ZNF365: variants seen among roughly 807,000 people sequenced by gnomAD.
ZNF365 encodes the protein zinc finger protein 365.
In ZNF365, 22 loss-of-function variants were observed where a neutral mutation model predicts 35.0. The observed-to-expected ratio is 0.63, with a 90% confidence interval of 0.45 to 0.90. ZNF365 has a LOEUF of 0.90. Ranked by LOEUF, ZNF365 falls within the 40% of genes least tolerant of loss-of-function variation. The pLI, the probability that ZNF365 is intolerant of heterozygous loss-of-function variation, is 0.00. For synonymous variants in ZNF365, 188 were observed against 196.2 expected (o/e 0.96, Z 0.35); for missense variants, 448 against 500.3 (o/e 0.90, Z 1.00).
intron 3 of ZNF365, among the ~76,000 whole-genome samples, chr10:62,439,997 C>A (rs191283176): frequency 2.3e-3 from 344 of 152,218 alleles, no homozygotes; most frequent in African/African-American, 7.8e-3. Context: ...CACTTTCTCC[C>A]GCACAAAATG....
At chr10:62,468,091 A>G (rs993097003) in intron 4 of ZNF365, among the ~76,000 whole-genome samples, 1 of 152,214 alleles carries the variant, frequency 6.6e-6, no homozygotes, top group Non-Finnish European at 1.5e-5. Flanking sequence ...TACCTTTATG[A>G]GTCGCTTTAA....
downstream of ZNF365, among the ~76,000 whole-genome samples, chr10:62,404,543 C>A (rs1159026208): frequency 6.6e-6 from 1 of 152,058 alleles, no homozygotes; most frequent in Non-Finnish European, 1.5e-5. Context: ...TTTTTAGAAC[C>A]ATGAAATCAG....
In ZNF365 at chr10:62,388,600, C is replaced by A. The variant is rs758257255; in HGVS notation, c.924+24C>A. The A allele has an allele frequency of 1.2e-5, 19 of 1,611,902 alleles. No individual in the cohort carries two copies. The Admixed American group carries it at 2.5e-4, about 21-fold the overall frequency. On this transcript the variant is annotated intron_variant, in intron 3 of 4. Transcript: ENST00000395254. ...TGGTGAGTCACCCCGGGCCAGCCAC[C>A]GAGTGTAAGATCCCTGTGGTTGGTG...
chr10:62,429,717 G>A (rs970691230), intron 3 of ZNF365, among the ~76,000 whole-genome samples: 1 of 152,134 alleles, frequency 6.6e-6, no homozygotes, highest in Admixed American at 6.6e-5. Context: ...TTAATAAGGG[G>A]AGAAATTAGC....
At chr10:62,473,392 C>A (rs1253961306) in intron 4 of ZNF365, among the ~76,000 whole-genome samples, 2 of 152,152 alleles carry the variant, frequency 1.3e-5, no homozygotes, top group African/African-American at 4.8e-5. Context: ...CTTTGCTGTT[C>A]TTATAGTTCC....
chr10:62,440,151 A>G (rs1490305793), intron 3 of ZNF365, among the ~76,000 whole-genome samples: 2 of 151,868 alleles, frequency 1.3e-5, no homozygotes, highest in Non-Finnish European at 2.9e-5. Context: ...GCTAATAATT[A>G]TAAGCTTTAT....
At chr10:62,471,202 T>TA (rs1300040725) in intron 4 of ZNF365, among the ~76,000 whole-genome samples, 4 of 151,798 alleles carry the variant, frequency 2.6e-5, no homozygotes, top group African/African-American at 2.4e-5. Context: ...CTGTCTCTAC[T>TA]AAAAATACAA....
At chr10:62,395,504 A>ATTT (rs67866839) in intron 3 of ZNF365, among the ~76,000 whole-genome samples, 11 of 98,460 alleles carry the variant, frequency 1.1e-4, no homozygotes, top group East Asian at 3.2e-4. Flanking sequence ...CACCCGGCTA[A>ATTT]TTTTTTTTTT....
At chr10:62,477,527 T>G (rs149219854) in intron 4 of ZNF365, among the ~76,000 whole-genome samples, 6 of 152,288 alleles carry the variant, frequency 3.9e-5, no homozygotes, top group Non-Finnish European at 7.4e-5. Flanking sequence ...TTACTTGGCA[T>G]TATGGTGAAT....
At chr10:62,427,208 T>G (rs1458104800) in intron 3 of ZNF365, among the ~76,000 whole-genome samples, 2 of 152,230 alleles carry the variant, frequency 1.3e-5, no homozygotes, top group African/African-American at 4.8e-5. Flanking sequence ...TACAGTCACA[T>G]GACACATGAT....
intron 3 of ZNF365, among the ~76,000 whole-genome samples, chr10:62,430,252 GGTT>G (rs536054327): frequency 2.1e-5 from 2 of 97,158 alleles, no homozygotes; most frequent in Non-Finnish European, 3.9e-5. Context: ...TTTTGGAAAA[GGTT>G]TTTTTTTTTT....
At chr10:62,409,560 G>C (rs1839955437) in intron 3 of ZNF365, among the ~76,000 whole-genome samples, 1 of 152,034 alleles carries the variant, frequency 6.6e-6, no homozygotes, top group Non-Finnish European at 1.5e-5. Context: ...TAATGAAGTG[G>C]TCATTGACTC....
rs894659646 is a variant in ZNF365, at chr10:62,402,118, A to G, written c.*2329A>G. ...ATTTTTAAATATTTTCTTTGTCCAC[A>G]TGGGCCGTTGACCTTAGAGTTAAGG... is the stretch of plus-strand genomic sequence containing the variant. On this transcript the variant is annotated 3_prime_UTR_variant, in exon 5 of 5. Coordinates refer to ENST00000395254, the MANE Select transcript of ZNF365 (RefSeq NM_014951.3). 3 of 985,848 alleles carry G rather than the reference A, an allele frequency of 3.0e-6. No individual in the cohort carries two copies. The highest frequency in any genetic ancestry group is 1.2e-4 in the Admixed American group (2 of 16,260). The allele number at this position is 985,848 out of a possible 1,614,324, so 61.1% of individuals were successfully genotyped here.
intron 3 of ZNF365, among the ~76,000 whole-genome samples, chr10:62,408,808 C>T (rs192726446): frequency 1.9e-4 from 29 of 152,254 alleles, no homozygotes; most frequent in African/African-American, 7.0e-4. Context: ...GATCGTAGAA[C>T]AGCCTTTGGA....
chr10:62,418,032 A>G (rs989493258), intron 3 of ZNF365, among the ~76,000 whole-genome samples: 2 of 152,018 alleles, frequency 1.3e-5, no homozygotes, highest in African/African-American at 4.8e-5. Flanking sequence ...CATTTTGGAC[A>G]TAATAAACAA....
At chr10:62,463,903 C>G (rs1410357786) in intron 4 of ZNF365, among the ~76,000 whole-genome samples, 1 of 152,188 alleles carries the variant, frequency 6.6e-6, no homozygotes, top group African/African-American at 2.4e-5. Flanking sequence ...GGTCACCCCT[C>G]CAACGGATGA....
rs1262616938 is a variant in ZNF365 at position 62,415,216 on chromosome 10, G to A, written c.924+26640G>A. On this transcript the variant is annotated intron_variant, in intron 3 of 4. Transcript: ENST00000395255. ...GTAACATAGTCCTCACTCTCAGCATGTGGAAAATTTTTTTTTTAACCAAAT... is the reference window on the plus strand; with the variant it reads ...GTAACATAGTCCTCACTCTCAGCATATGGAAAATTTTTTTTTTAACCAAAT... Among the ~76,000 whole-genome samples, 9 of 151,946 alleles carry A rather than the reference G, an allele frequency of 5.9e-5. No homozygotes were observed. In the East Asian group the frequency reaches 1.7e-3, roughly 29 times the overall value.
At chr10:62,385,852 C>T (rs1204998861) in intron 2 of ZNF365, among the ~76,000 whole-genome samples, 2 of 152,008 alleles carry the variant, frequency 1.3e-5, no homozygotes. Flanking sequence ...GAACCATTTC[C>T]ATAATAAGAT....
intron 3 of ZNF365, among the ~76,000 whole-genome samples, chr10:62,436,363 A>C (rs1016336777): frequency 1.3e-5 from 2 of 151,510 alleles, no homozygotes; most frequent in Non-Finnish European, 2.9e-5. Context: ...ATTTTGGGGA[A>C]GTTAAAAGAG....
Sources: allele counts gnomAD v4.1 joint callset (sites outside exome capture counted in the v4.1 genomes callset), GRCh38; gene constraint gnomAD v4.1.1; transcripts MANE v1.5; gene names NCBI Gene and HGNC (gene_info 2026-07-23, HGNC 2026-07-21).